LRP1B: variants seen among roughly 807,000 people sequenced by gnomAD.
The protein encoded by LRP1B is low-density lipoprotein receptor-related protein 1B.
Under a neutral mutation model 556.6 loss-of-function variants are expected in LRP1B, and 217 were observed. The observed-to-expected ratio is 0.39, with a 90% CI of 0.35 to 0.44. The LOEUF (loss-of-function observed/expected upper bound fraction) is 0.44. LRP1B is among the 20% of genes least tolerant of loss of function. LRP1B has a pLI of 1.00. For synonymous variants in LRP1B, 2,047 were observed against 1,865.8 expected (o/e 1.10, Z -2.50); for missense variants, 5,053 against 5,620.8 (o/e 0.90, Z 3.23).
At chr2:141,472,078 C>T (rs1682495438) in intron 3 of LRP1B, among the ~76,000 whole-genome samples, 1 of 152,002 alleles carries the variant, frequency 6.6e-6, no homozygotes. Flanking sequence ...AGACTTCCAG[C>T]TAAGAGGCTA....
chr2:140,394,430 G>A (rs544798251), intron 66 of LRP1B, among the ~76,000 whole-genome samples: 1 of 152,230 alleles, frequency 6.6e-6, no homozygotes, highest in African/African-American at 2.4e-5. Context: ...ATGGTGGCCA[G>A]GTGATGTCCT....
chr2:140,695,025 G>A (rs937316076), intron 41 of LRP1B, among the ~76,000 whole-genome samples: 27 of 150,764 alleles, frequency 1.8e-4, no homozygotes, highest in African/African-American at 6.4e-4. Context: ...TGAACCCCAA[G>A]TAAATATTCT....
In LRP1B at chr2:141,185,412, G is replaced by C. The variant is rs372270688; in HGVS notation, c.1013+3009C>G. Reference sequence around the variant, plus strand: ...CTACCTGCCAACTCTAATGACTATAGAGAAATAATTTCGGAAAGTTTTCCA... The same window carrying C: ...CTACCTGCCAACTCTAATGACTATACAGAAATAATTTCGGAAAGTTTTCCA... On this transcript the variant is annotated intron_variant, in intron 7 of 90. Transcript: ENST00000389484. Among the ~76,000 whole-genome samples the C allele has an allele frequency of 2.0e-5, 3 of 152,056 alleles. No individual in the cohort carries two copies. In the East Asian group the frequency reaches 5.8e-4, roughly 30 times the overall value.
intron 3 of LRP1B, among the ~76,000 whole-genome samples, chr2:141,263,779 T>C (rs1684787350): frequency 6.6e-6 from 1 of 152,034 alleles, no homozygotes; most frequent in Non-Finnish European, 1.5e-5. Context: ...AATCCAGCAA[T>C]ATATAAAAGG....
Position 141,553,382 on chromosome 2 carries a change from G to A in LRP1B, c.206-72849C>T, listed in dbSNP as rs991069775. Among the ~76,000 whole-genome samples the A allele has an allele frequency of 6.6e-5, 10 of 151,764 alleles. No individual in the cohort carries two copies. The East Asian group carries it at 1.9e-3, about 29-fold the overall frequency. On this transcript the variant is annotated intron_variant, in intron 2 of 90. Transcript: ENST00000389484. ...AAGGCAAGAGGTGTGCAGAAGGAAAGGAAATAAAGAGAATAGTCTCCTGGG... is the reference window on the plus strand; with the variant it reads ...AAGGCAAGAGGTGTGCAGAAGGAAAAGAAATAAAGAGAATAGTCTCCTGGG...
intron 2 of LRP1B, among the ~76,000 whole-genome samples, chr2:141,713,013 G>A (rs1260370531): frequency 6.6e-6 from 1 of 151,484 alleles, no homozygotes; most frequent in Non-Finnish European, 1.5e-5. Context: ...AAGTACATTA[G>A]ACAGATATTA....
At position 141,188,567 on chromosome 2, in the gene LRP1B, C is replaced by A. The variant is rs1204030344; in HGVS notation, c.867G>T (p.Ala289=). 1 of 1,612,056 alleles carries A rather than the reference C, an allele frequency of 6.2e-7. No homozygotes were observed. The highest frequency in any genetic ancestry group is 8.5e-7 in the Non-Finnish European group (1 of 1,178,922). Residue 289 remains alanine (A), a synonymous_variant, in exon 7 of 91, where the codon GCG becomes GCT. Transcript: ENST00000389484. ...AGAGATTTCGAGTGAGCCAGTCAAT[C>A]GCCATTTGTTGCACATCTGAAAAAC... is the stretch of plus-strand genomic sequence containing the variant. The part of the protein sequence containing the change: ...LQSFHNVQQM[A]IDWLTRNLYF...
At chr2:142,036,241 T>G (rs1476716995) in intron 1 of LRP1B, among the ~76,000 whole-genome samples, 1 of 151,634 alleles carries the variant, frequency 6.6e-6, no homozygotes, top group Admixed American at 6.6e-5. Flanking sequence ...AGGAGACCTG[T>G]CATCAGACAG....
At position 141,103,352 on chromosome 2, in the gene LRP1B, A is replaced by G. The variant is rs182669627; in HGVS notation, c.1014-41079T>C. On this transcript the variant is annotated intron_variant, in intron 7 of 90. Transcript: ENST00000389484. ...TGTCAATAAAAGGGGAATTATTTAA[A>G]AGACTTGTTTTACGCAGTGTCACTG... 1.4e-4 allele frequency among the ~76,000 whole-genome samples: 21 copies of G among 152,048 alleles called. No homozygotes were observed. The East Asian group carries it at 3.9e-3, about 28-fold the overall frequency.
intron 27 of LRP1B, among the ~76,000 whole-genome samples, chr2:140,866,507 A>G (rs1051585469): frequency 6.6e-6 from 1 of 152,124 alleles, no homozygotes; most frequent in Non-Finnish European, 1.5e-5. Flanking sequence ...TTGCTCACCT[A>G]TGTAAGCAGT....
chr2:142,113,824 A>G (rs1207469303), intron 1 of LRP1B, among the ~76,000 whole-genome samples: 7 of 152,074 alleles, frequency 4.6e-5, no homozygotes, highest in Non-Finnish European at 1.0e-4. Flanking sequence ...AGAGCCTCTT[A>G]TTGTGCTAAC....
chr2:140,618,420 C>T (rs2105243510), intron 41 of LRP1B, among the ~76,000 whole-genome samples: 1 of 151,916 alleles, frequency 6.6e-6, no homozygotes, highest in East Asian at 1.9e-4. Context: ...ATATGAAAAA[C>T]TCCAAGGTTC....
At chr2:141,256,073 A>G (rs1684451102) in intron 3 of LRP1B, among the ~76,000 whole-genome samples, 1 of 152,056 alleles carries the variant, frequency 6.6e-6, no homozygotes, top group Non-Finnish European at 1.5e-5. Context: ...AATATAAAAC[A>G]ATGTTTATAA....
At position 141,810,291 on chromosome 2, in the gene LRP1B, A is replaced by T. The variant is rs201398272; in HGVS notation, c.193T>A (p.Ser65Thr). Residue 65 changes from serine (S) to threonine (T), a missense_variant, in exon 2 of 91, where the codon TCT (serine) becomes ACT (threonine). Ser to Thr is a moderately conservative substitution (Grantham distance 58). This residue lies in a region of LRP1B where 3,619 missense variants were observed against 3,931.9 expected (regional missense o/e 0.92). Transcript: ENST00000389484. Reference sequence around the variant, plus strand: ...CCTTTCTACTCACAGGTATCTAAAGACTCGTCTGAATCATCAGGGCAGTCA... The same window carrying T: ...CCTTTCTACTCACAGGTATCTAAAGTCTCGTCTGAATCATCAGGGCAGTCA... ...DPDCPDDSDE[S>T]LDTCPEEVEI... The T allele has an allele frequency of 1.0e-4, 164 of 1,612,986 alleles. No homozygotes were observed. The highest frequency in any genetic ancestry group is 5.0e-4 in the Middle Eastern group (3 of 6,050).
At chr2:140,396,236 A>G (rs1186480717) in intron 66 of LRP1B, among the ~76,000 whole-genome samples, 2 of 152,302 alleles carry the variant, frequency 1.3e-5, no homozygotes, top group Non-Finnish European at 2.9e-5. Flanking sequence ...CTGAGAGACA[A>G]ACAAAATAAG....
chr2:141,412,494 G>A (rs777497269), intron 3 of LRP1B, among the ~76,000 whole-genome samples: 4 of 152,224 alleles, frequency 2.6e-5, no homozygotes, highest in Non-Finnish European at 5.9e-5. Flanking sequence ...CAGAAGTTGA[G>A]TGCTTCCTCT....
At chr2:140,414,576 C>A (rs186927538) in intron 66 of LRP1B, among the ~76,000 whole-genome samples, 1 of 151,990 alleles carries the variant, frequency 6.6e-6, no homozygotes, top group Non-Finnish European at 1.5e-5. Flanking sequence ...CAGCTGGAGC[C>A]GCGGCAGAGG....
intron 2 of LRP1B, among the ~76,000 whole-genome samples, chr2:141,571,350 C>G (rs1426453103): frequency 6.7e-6 from 1 of 149,524 alleles, no homozygotes; most frequent in Non-Finnish European, 1.5e-5. Context: ...GAAAAACAAA[C>G]AAGCAGAAAC....
In LRP1B at chr2:141,391,968, T is replaced by C. The variant is rs556886483; in HGVS notation, c.343+88428A>G. Among the ~76,000 whole-genome samples, 314 of 152,270 alleles carry C rather than the reference T, an allele frequency of 2.1e-3. 4 individuals are homozygous for C. In the Middle Eastern group the frequency reaches 0.031, roughly 15 times the overall value. On this transcript the variant is annotated intron_variant, in intron 3 of 90. Coordinates refer to ENST00000389484, the MANE Select transcript of LRP1B (RefSeq NM_018557.3). ...ATAAGTAAAAATACCCTCTCAGGTT[T>C]ATGCCTCAGGTAAGATGCATGTATA... is the stretch of plus-strand genomic sequence containing the variant.
Sources: allele counts gnomAD v4.1 joint callset (sites outside exome capture counted in the v4.1 genomes callset), GRCh38; gene constraint gnomAD v4.1.1; regional missense constraint gnomAD v4.1.1; transcripts MANE v1.5; gene names NCBI Gene and HGNC (gene_info 2026-07-23, HGNC 2026-07-21).